The following SLITRK5 variants were observed in gnomAD, a reference collection of about 807,000 sequenced individuals.
SLITRK5 encodes SLIT and NTRK-like protein 5.
SLITRK5 carries 23 observed loss-of-function variants against 56.2 expected under a neutral mutation model. That is an observed-to-expected ratio of 0.41 (90% CI 0.29 to 0.58). The LOEUF is 0.58. Ranked by LOEUF, SLITRK5 falls within the 20% of genes least tolerant of loss-of-function variation. The pLI is 0.30. For synonymous variants in SLITRK5, 637 were observed against 531.8 expected, an observed-to-expected ratio of 1.20 and a Z score of -2.72; for missense variants, 1,289 against 1,226.6, an observed-to-expected ratio of 1.05 and a Z score of -0.76.
chr13:87,673,527 G>A (rs887544027), intron 1 of SLITRK5: 13 of 1,280,212 alleles, frequency 1.0e-5, no homozygotes, highest in Non-Finnish European at 1.3e-5. Flanking sequence ...ACCCAACCTC[G>A]CTGAATGGAT....
Position 87,678,293 on chromosome 13 carries a change from G to T in SLITRK5, c.*28G>T, listed in dbSNP as rs767640228. 1.3e-6 allele frequency: 2 copies of T among 1,559,730 alleles called. No homozygotes were observed. Among genetic ancestry groups the T allele is most frequent in the Non-Finnish European group, 8.7e-7 (1 of 1,150,890 alleles). On this transcript the variant is annotated 3_prime_UTR_variant, in exon 2 of 2. Coordinates refer to ENST00000683689, the MANE Select transcript of SLITRK5 (RefSeq NM_001384609.1). ...GCAAAGAAACTCTCTTGGAGCTTTT[G>T]CATTTAAAACAAACAAGCAAGCAGA...
intron 1 of SLITRK5, among the ~76,000 whole-genome samples, chr13:87,672,460 C>A (rs1252817825): frequency 1.3e-5 from 2 of 150,330 alleles, no homozygotes; most frequent in Admixed American, 6.6e-5. Flanking sequence ...GGCTCCCGGC[C>A]CCTACCGCGA....
At chr13:87,674,805 CT>C (rs1877199566) in intron 1 of SLITRK5, among the ~76,000 whole-genome samples, 1 of 152,084 alleles carries the variant, frequency 6.6e-6, no homozygotes, top group Non-Finnish European at 1.5e-5. Flanking sequence ...ATATTACAGC[CT>C]TTTTGCCTCT....
Position 87,676,515 on chromosome 13 carries a change from C to T in SLITRK5, c.1127C>T (p.Thr376Ile). The T allele has an allele frequency of 1.9e-6, 3 of 1,614,132 alleles. No homozygotes were observed. The highest frequency in any genetic ancestry group is 2.5e-6 in the Non-Finnish European group (3 of 1,180,026). The change falls in exon 2 of 2, where the codon ACC becomes ATC. Residue 376 changes from threonine (T) to isoleucine (I), a missense_variant. Thr to Ile is a moderately conservative substitution (Grantham distance 89). Transcript: ENST00000683689. ...TCCCCGGTGCCTTTGGAGTGTCCCA[C>T]CGCGTGCTCTTGCAACCTGCAGATC... ...TKSPVPLECP[T>I]ACSCNLQISD...
In SLITRK5 at chr13:87,678,190, G is replaced by A. The variant is rs756127635; in HGVS notation, c.2802G>A (p.Glu934=). 17 of 1,614,124 alleles carry A rather than the reference G, an allele frequency of 1.1e-5. No individual in the cohort carries two copies. The highest frequency in any genetic ancestry group is 1.3e-5 in the Non-Finnish European group (15 of 1,180,052). Residue 934 remains glutamate, a synonymous_variant, in exon 2 of 2, where the codon GAG becomes GAA. Coordinates refer to ENST00000683689, the MANE Select transcript of SLITRK5 (RefSeq NM_001384609.1). ...FVEPNRNEYL[E]LKAKLNVEPD... is the part of the protein sequence containing the mutation. ...AACCCAACCGGAACGAATATCTGGAGTTAAAAGCAAAACTAAACGTTGAGC... is the reference window on the plus strand; with the variant it reads ...AACCCAACCGGAACGAATATCTGGAATTAAAAGCAAAACTAAACGTTGAGC...
At position 87,671,632 on chromosome 13, in the gene SLITRK5, C is replaced by A. The variant is rs372874106; in HGVS notation, c.-586C>A. On this transcript the variant is annotated 5_prime_UTR_variant, in exon 1 of 2. Transcript: ENST00000683689. ...ACGACGCGGTTGCTGCCCGCCCCCC[C>A]CTTCCCCCAGAAACCCCAAAGGATG... 9.2e-5 allele frequency among the ~76,000 whole-genome samples: 14 copies of A among 152,100 alleles called. No individual in the cohort carries two copies. Among genetic ancestry groups the A allele is most frequent in the East Asian group, 5.8e-4 (3 of 5,152 alleles).
rs1304441753 is a variant in SLITRK5, at chr13:87,671,685, C to G, written c.-533C>G. Among the ~76,000 whole-genome samples, 1 of 151,916 alleles carries G rather than the reference C, an allele frequency of 6.6e-6. No homozygotes were observed. Among genetic ancestry groups the G allele is most frequent in the Non-Finnish European group, 1.5e-5 (1 of 67,984 alleles). On this transcript the variant is annotated 5_prime_UTR_variant, in exon 1 of 2. Coordinates refer to ENST00000683689, the MANE Select transcript of SLITRK5 (RefSeq NM_001384609.1). The stretch of plus-strand genomic sequence containing the variant: ...GGTGATAGAGAGTTCCAACTAATGA[C>G]GATTGTGCGCCGCATCTGGGGAAGG...
In SLITRK5 at chr13:87,676,094, C is replaced by T; in HGVS notation, c.706C>T (p.Pro236Ser). Reference sequence around the variant, plus strand: ...TGTGGAGCTACAGCTGGAGGAAAACCCTTGGAATTGTTCTTGTGAGCTGAT... The same window carrying T: ...TGTGGAGCTACAGCTGGAGGAAAACTCTTGGAATTGTTCTTGTGAGCTGAT... ...KVVELQLEEN[P>S]WNCSCELISL... Residue 236 changes from proline to serine, a missense_variant, in exon 2 of 2, where the codon CCT becomes TCT. This residue lies in a region of SLITRK5 where 291 missense variants were observed against 286.7 expected (regional missense o/e 1.02). Coordinates refer to ENST00000683689, the MANE Select transcript of SLITRK5 (RefSeq NM_001384609.1). The T allele has an allele frequency of 6.2e-7, 1 of 1,614,100 alleles. No homozygotes were observed.
In SLITRK5 at chr13:87,677,870, T is replaced by G. The variant is rs771984487; in HGVS notation, c.2482T>G (p.Leu828Val). 4 of 1,608,248 alleles carry G rather than the reference T, an allele frequency of 2.5e-6. No individual in the cohort carries two copies. Among genetic ancestry groups the G allele is most frequent in the Admixed American group, 3.4e-5 (2 of 59,220 alleles). Residue 828 changes from leucine to valine, a missense_variant, in exon 2 of 2, where the codon TTG becomes GTG. Leu to Val is a conservative substitution (Grantham distance 32). This residue lies in a region of SLITRK5 where 985 missense variants were observed against 906.0 expected (regional missense o/e 1.09). Coordinates refer to ENST00000683689, the MANE Select transcript of SLITRK5 (RefSeq NM_001384609.1). This position sits in a 1 kb window ranked among gnomAD's most constrained non-coding sequence, Gnocchi z 4.7. ...GGAGGAGAGGCGGGAAAGCCACCAC[T>G]TGCGGAGCCCCGCCTACAGCGTCAG... Reference protein sequence around the residue: ...GEEERRESHHLRSPAYSVSTI... With the variant: ...GEEERRESHHVRSPAYSVSTI...
rs1228816310 is a variant in SLITRK5, at chr13:87,675,520, T to C, written c.132T>C (p.Tyr44=). 46 of 1,614,086 alleles carry C rather than the reference T, an allele frequency of 2.8e-5. No homozygotes were observed. The highest frequency in any genetic ancestry group is 3.7e-5 in the Non-Finnish European group (44 of 1,180,052). ...VLSCAETIDY[Y]GEICDNACPC... ...CGTGTGCAGAAACCATCGATTATTA[T>C]GGGGAAATCTGTGACAATGCATGTC... The change falls in exon 2 of 2, where the codon TAT becomes TAC. Residue 44 remains tyrosine, a synonymous_variant. Transcript: ENST00000683689.
chr13:87,676,015 G>T lies in SLITRK5; in HGVS notation c.627G>T (p.Gly209=). The T allele has an allele frequency of 6.2e-7, 1 of 1,614,114 alleles. No homozygotes were observed. The highest frequency in any genetic ancestry group is 1.1e-5 in the South Asian group (1 of 91,074). ...FVPLTHLDLR[G]NRLKLLPYVG... ...CCTTAACGCACTTGGACCTCCGGGG[G>T]AACCGGCTGAAACTTCTGCCCTACG... The change falls in exon 2 of 2, where the codon GGG becomes GGT. Residue 209 remains glycine, a synonymous_variant. Coordinates refer to ENST00000683689, the MANE Select transcript of SLITRK5 (RefSeq NM_001384609.1).
chr13:87,676,552 C>G lies in SLITRK5; in HGVS notation c.1164C>G (p.Gly388=). The G allele has an allele frequency of 1.2e-6, 2 of 1,614,086 alleles. No homozygotes were observed. The highest frequency in any genetic ancestry group is 1.7e-6 in the Non-Finnish European group (2 of 1,180,016). Residue 388 remains glycine (G), a synonymous_variant, in exon 2 of 2, where the codon GGC becomes GGG. Transcript: ENST00000683689. ...CSCNLQISDL[G]LNVNCQERKI... is the part of the protein sequence containing the mutation. ...GCAACCTGCAGATCTCTGATCTGGG[C>G]CTCAACGTAAACTGCCAGGAGCGAA...
chr13:87,674,433 G>C, intron 1 of SLITRK5: 1 of 984,066 alleles, frequency 1.0e-6, no homozygotes, highest in Non-Finnish European at 1.2e-6. Context: ...GCTGATCCTT[G>C]GTGTACTGAT....
chr13:87,677,793 C>CGCAGCAGCCACA lies in SLITRK5; in HGVS notation c.2415_2426dup (p.Gln806_Pro809dup). 5 of 1,608,636 alleles carry CGCAGCAGCCACA rather than the reference C, an allele frequency of 3.1e-6. No homozygotes were observed. The highest frequency in any genetic ancestry group is 4.2e-6 in the Non-Finnish European group (5 of 1,177,642). ...CAGCAGCAGCAGCCGCCGCCGCCACCGCAGCAGCCACAGCAGCAGCCCCCG... is the reference window on the plus strand; with the variant it reads ...CAGCAGCAGCAGCCGCCGCCGCCACCGCAGCAGCCACAGCAGCAGCCACAGCAGCAGCCCCCG... On this transcript the variant is annotated inframe_insertion, in exon 2 of 2. Coordinates refer to ENST00000683689, the MANE Select transcript of SLITRK5 (RefSeq NM_001384609.1). This position sits in a 1 kb window ranked among gnomAD's most constrained non-coding sequence, Gnocchi z 4.7.
In SLITRK5 at chr13:87,675,554, G is replaced by A. The variant is rs769342000; in HGVS notation, c.166G>A (p.Glu56Lys). ...EICDNACPCE[E>K]KDGILTVSCE... Reference sequence around the variant, plus strand: ...CTGTGACAATGCATGTCCTTGTGAGGAAAAGGACGGCATTTTAACTGTGAG... The same window carrying A: ...CTGTGACAATGCATGTCCTTGTGAGAAAAAGGACGGCATTTTAACTGTGAG... Residue 56 changes from glutamate (E) to lysine (K), a missense_variant, in exon 2 of 2, where the codon GAA becomes AAA. Around this residue, in one of 3 missense-constraint regions of SLITRK5, gnomAD observed 291 missense variants for 286.7 expected, o/e 1.02. Transcript: ENST00000683689. 3 of 1,614,172 alleles carry A rather than the reference G, an allele frequency of 1.9e-6. No individual in the cohort carries two copies. The highest frequency in any genetic ancestry group is 2.5e-6 in the Non-Finnish European group (3 of 1,180,032).
At chr13:87,674,285 A>AAG (rs779232993) in intron 1 of SLITRK5, 1 of 574,152 alleles carries the variant, frequency 1.7e-6, no homozygotes, top group Non-Finnish European at 2.2e-6. Context: ...GATTAAAAAA[A>AAG]AGAGAGAGGG....
At position 87,677,910 on chromosome 13, in the gene SLITRK5, G is replaced by T. The variant is rs766675071; in HGVS notation, c.2522G>T (p.Arg841Leu). The change falls in exon 2 of 2, where the codon CGG becomes CTG. Residue 841 changes from arginine to leucine, a missense_variant. By Grantham distance (102) the Arg-to-Leu change is moderately radical. Around this residue, in one of 3 missense-constraint regions of SLITRK5, gnomAD observed 985 missense variants for 906.0 expected, o/e 1.09. Transcript: ENST00000683689. This position sits in a 1 kb window ranked among gnomAD's most constrained non-coding sequence, Gnocchi z 4.7. ...PAYSVSTIEP[R>L]EDLLSPVQDA... ...TACAGCGTCAGCACCATCGAGCCCC[G>T]GGAGGACCTGCTGTCGCCGGTGCAG... 7 of 1,613,556 alleles carry T rather than the reference G, an allele frequency of 4.3e-6. No homozygotes were observed. The highest frequency in any genetic ancestry group is 5.9e-6 in the Non-Finnish European group (7 of 1,179,784).
chr13:87,674,440 T>A, intron 1 of SLITRK5: 1 of 982,504 alleles, frequency 1.0e-6, no homozygotes, highest in Non-Finnish European at 1.2e-6. Context: ...CTTGGTGTAC[T>A]GATTCCCGGT....
Position 87,671,496 on chromosome 13 carries a change from C to G in SLITRK5, c.-722C>G, listed in dbSNP as rs938040748. ...CGCTCCGGAGCAGCTGTCTCAGAGACCCGGTGTTGCTTACCGCGTTGCCAC... is the reference window on the plus strand; with the variant it reads ...CGCTCCGGAGCAGCTGTCTCAGAGAGCCGGTGTTGCTTACCGCGTTGCCAC... On this transcript the variant is annotated 5_prime_UTR_variant, in exon 1 of 2. Transcript: ENST00000683689. Among the ~76,000 whole-genome samples, 4 of 152,016 alleles carry G rather than the reference C, an allele frequency of 2.6e-5. No homozygotes were observed. Among genetic ancestry groups the G allele is most frequent in the African/African-American group, 9.7e-5 (4 of 41,406 alleles).
Sources: gnomAD v4.1 joint callset for allele counts (sites outside exome capture counted in the v4.1 genomes callset) on GRCh38, gnomAD v4.1.1 for gene constraint, gnomAD v4.1.1 regional missense constraint, Gnocchi (gnomAD v3.1) non-coding constraint, MANE v1.5 for transcripts, NCBI Gene and HGNC (gene_info 2026-07-23, HGNC 2026-07-21) for gene names.